ATP7A: variants seen among roughly 807,000 people sequenced by gnomAD.
ATP7A encodes copper-transporting ATPase 1.
A neutral mutation model predicts 83.5 loss-of-function variants in ATP7A; 7 were observed. The observed-to-expected ratio is 0.08, with a 90% CI of 0.05 to 0.16. ATP7A has a LOEUF of 0.16. Among genes scored for constraint, ATP7A ranks in the 10% least tolerant of loss-of-function variants. ATP7A has a pLI of 1.00. For synonymous variants in ATP7A, 354 were observed against 395.2 expected, an observed-to-expected ratio of 0.90 and a Z score of 1.24; for missense variants, 940 against 1,120.8, an observed-to-expected ratio of 0.84 and a Z score of 2.30.
At chrX:77,952,455 A>G (rs782638751) in intron 1 of ATP7A, among the ~76,000 whole-genome samples, 1 of 111,946 alleles carries the variant, frequency 8.9e-6, no homozygotes, top group Non-Finnish European at 1.9e-5. Context: ...CTGATGACGT[A>G]TGATGTGGGG....
intron 1 of ATP7A, among the ~76,000 whole-genome samples, chrX:77,960,708 A>G (rs1047625894): frequency 9.0e-6 from 1 of 111,711 alleles, no homozygotes; most frequent in Non-Finnish European, 1.9e-5. Flanking sequence ...TACTTAGGGA[A>G]TGGCTCAAAA....
chrX:78,027,651 G>T (rs1418284220), intron 14 of ATP7A, among the ~76,000 whole-genome samples: 1 of 111,951 alleles, frequency 8.9e-6, no homozygotes, highest in Non-Finnish European at 1.9e-5. Flanking sequence ...TAAGCAAAAA[G>T]AATAAAACTA....
chrX:78,038,599 C>G (rs189422181), intron 17 of ATP7A, among the ~76,000 whole-genome samples: 59 of 111,229 alleles, frequency 5.3e-4, no homozygotes, highest in African/African-American at 1.8e-3. Flanking sequence ...ATTGAGTTTG[C>G]TGTCTGGAGA....
chrX:77,966,751 T>G, intron 1 of ATP7A: 1 of 329,930 alleles, frequency 3.0e-6, no homozygotes, highest in South Asian at 2.6e-5. Flanking sequence ...TAAAAAGTAC[T>G]GAACTGGATA....
chrX:77,960,652 G>A (rs782490404), intron 1 of ATP7A, among the ~76,000 whole-genome samples: 2 of 111,368 alleles, frequency 1.8e-5, no homozygotes, highest in Non-Finnish European at 3.8e-5. Flanking sequence ...TCATAATATT[G>A]TTCTTCATCT....
intron 4 of ATP7A, among the ~76,000 whole-genome samples, chrX:77,993,557 G>A (rs1322785613): frequency 1.8e-5 from 2 of 111,581 alleles, no homozygotes; most frequent in African/African-American, 6.5e-5. Context: ...TTGATTGAAG[G>A]CAATAATATC....
At chrX:77,924,372 A>G (rs2077230985) in intron 1 of ATP7A, 1 of 112,030 alleles carries the variant, frequency 8.9e-6, no homozygotes, top group Admixed American at 9.5e-5. Context: ...GCAATTTAGT[A>G]TATTTTTCAT....
intron 1 of ATP7A, among the ~76,000 whole-genome samples, chrX:77,916,346 C>A (rs2077185222): frequency 1.0e-5 from 1 of 97,742 alleles, no homozygotes; most frequent in Non-Finnish European, 2.0e-5. Context: ...CAGAGTGAGA[C>A]CCTGTCTCAA....
intron 1 of ATP7A, among the ~76,000 whole-genome samples, chrX:77,944,654 C>CT (rs1309824424): frequency 2.8e-5 from 3 of 108,625 alleles, no homozygotes; most frequent in Non-Finnish European, 5.7e-5. Flanking sequence ...CCAGGCTGAT[C>CT]TTGAATGCCA....
At chrX:77,999,729 C>T (rs1263341597) in intron 5 of ATP7A, among the ~76,000 whole-genome samples, 2 of 110,602 alleles carry the variant, frequency 1.8e-5, no homozygotes, top group African/African-American at 6.6e-5. Flanking sequence ...CATGGTGAAA[C>T]CCCATCTCTA....
intron 1 of ATP7A, among the ~76,000 whole-genome samples, chrX:77,921,682 C>T (rs112751813): frequency 0.052 from 5,830 of 111,108 alleles, 373 homozygotes; most frequent in African/African-American, 0.18. Context: ...GCGGATGGAT[C>T]ACTTGAAGTC....
chrX:77,998,556 C>T lies in ATP7A; in HGVS notation c.1415C>T (p.Thr472Ile), dbSNP rs142919670. ...TTGACTTCAACTAATGAATTTTATA[C>T]TAAAGGGATGACACCAGTTCAAGAC... ...PLLTSTNEFYTKGMTPVQDKE... is the reference protein window; with the variant it reads ...PLLTSTNEFYIKGMTPVQDKE... The change falls in exon 5 of 23, where the codon ACT becomes ATT. Residue 472 changes from threonine to isoleucine, a missense_variant. Coordinates refer to ENST00000341514, the MANE Select transcript of ATP7A (RefSeq NM_000052.7). The T allele has an allele frequency of 8.3e-7, 1 of 1,211,434 alleles. No individual in the cohort carries two copies. Among genetic ancestry groups the T allele is most frequent in the Non-Finnish European group, 1.1e-6 (1 of 895,255 alleles).
At chrX:77,993,857 G>A (rs1486177818) in intron 4 of ATP7A, among the ~76,000 whole-genome samples, 1 of 110,980 alleles carries the variant, frequency 9.0e-6, no homozygotes, top group Non-Finnish European at 1.9e-5. Context: ...TATTTCCATC[G>A]TTTAAGTGAC....
At chrX:77,941,970 A>T (rs1257774987) in intron 1 of ATP7A, among the ~76,000 whole-genome samples, 1 of 112,253 alleles carries the variant, frequency 8.9e-6, no homozygotes, top group Non-Finnish European at 1.9e-5. Flanking sequence ...GATGGAAATG[A>T]TATGCCAGGG....
intron 2 of ATP7A, among the ~76,000 whole-genome samples, chrX:77,984,084 A>C (rs1426398544): frequency 8.9e-6 from 1 of 111,757 alleles, no homozygotes; most frequent in Non-Finnish European, 1.9e-5. Flanking sequence ...AAGCTGTCGA[A>C]ATATTGGAGC....
chrX:77,928,547 T>C (rs2077255669), intron 1 of ATP7A, among the ~76,000 whole-genome samples: 1 of 111,098 alleles, frequency 9.0e-6, no homozygotes. Flanking sequence ...GAGCTGAGAA[T>C]GTCAGTAAGA....
At chrX:77,930,791 G>T (rs1477618229) in intron 1 of ATP7A, among the ~76,000 whole-genome samples, 1 of 110,499 alleles carries the variant, frequency 9.0e-6, no homozygotes, top group Non-Finnish European at 1.9e-5. Context: ...AATACTAGCT[G>T]AGGAAGGAGG....
chrX:77,938,900 TTGTA>T (rs1434428712), intron 1 of ATP7A, among the ~76,000 whole-genome samples: 1 of 112,413 alleles, frequency 8.9e-6, no homozygotes, highest in Non-Finnish European at 1.9e-5. Flanking sequence ...TTGACTGTCT[TTGTA>T]TGTGAGAAAA....
Position 78,045,588 on chromosome X carries a change from T to C in ATP7A, c.4226+16T>C. The C allele has an allele frequency of 8.7e-7, 1 of 1,146,627 alleles. No individual in the cohort carries two copies. Among genetic ancestry groups the C allele is most frequent in the South Asian group, 1.8e-5 (1 of 55,542 alleles). The allele number at this position is 1,146,627 out of a possible 1,213,427, so 94.5% of individuals were successfully genotyped here. ...TCCTTAAACTGTAAGTATGATAGCT[T>C]GCTCACATTTGTATTTTGTATTCCT... On this transcript the variant is annotated intron_variant, in intron 22 of 22. Transcript: ENST00000341514.
Sources: gnomAD v4.1 joint callset for allele counts (sites outside exome capture counted in the v4.1 genomes callset) on GRCh38, gnomAD v4.1.1 for gene constraint, MANE v1.5 for transcripts, NCBI Gene and HGNC (gene_info 2026-07-23, HGNC 2026-07-21) for gene names.